Variants in ARHGAP23 observed in about 807,000 individuals in gnomAD.
ARHGAP23 encodes the protein rho GTPase-activating protein 23.
A neutral mutation model predicts 136.3 loss-of-function variants in ARHGAP23; 34 were observed. The observed-to-expected ratio is 0.25, with a 90% CI of 0.19 to 0.33. The LOEUF is 0.33. Ranked by LOEUF, ARHGAP23 falls within the 10% of genes least tolerant of loss-of-function variation. The pLI is 1.00. For missense variants in ARHGAP23, 1,808 were observed against 2,139.0 expected (o/e 0.85, Z 3.05); for synonymous variants, 832 against 920.5 (o/e 0.90, Z 1.74).
Position 38,466,156 on chromosome 17 carries a change from T to C in ARHGAP23, c.484-11T>C. The C allele has an allele frequency of 6.8e-7, 1 of 1,471,750 alleles. No individual in the cohort carries two copies. Among genetic ancestry groups the C allele is most frequent in the Non-Finnish European group, 9.1e-7 (1 of 1,103,554 alleles). The allele number at this position is 1,471,750 out of a possible 1,614,324, so 91.2% of individuals were successfully genotyped here. A position where few individuals can be genotyped will look rare whatever the true frequency, so the allele number is the denominator to read the frequency against. ...CTGGCCCTGCTTACCTGTCTCTGTGTCTCTGGCCAGGCCTACTCCCAGGAT... is the reference window on the plus strand; with the variant it reads ...CTGGCCCTGCTTACCTGTCTCTGTGCCTCTGGCCAGGCCTACTCCCAGGAT... On this transcript the variant is annotated splice_polypyrimidine_tract_variant and intron_variant, in intron 6 of 23. Coordinates refer to ENST00000622683, the MANE Select transcript of ARHGAP23 (RefSeq NM_001199417.2).
At chr17:38,489,433 A>G (rs1199366521) in intron 17 of ARHGAP23, among the ~76,000 whole-genome samples, 1 of 121,792 alleles carries the variant, frequency 8.2e-6, no homozygotes, top group African/African-American at 3.2e-5. Flanking sequence ...CCCCGATTGG[A>G]AGTGCTGCCT....
upstream of ARHGAP23, chr17:38,428,411 C>A: frequency 1.3e-6 from 1 of 785,760 alleles, no homozygotes; most frequent in Non-Finnish European, 1.7e-6. Context: ...CGGCCCCGCC[C>A]CCGGCCCCGC....
At chr17:38,501,382 A>C (rs935377622) in intron 23 of ARHGAP23, among the ~76,000 whole-genome samples, 78 of 152,118 alleles carry the variant, frequency 5.1e-4, no homozygotes, top group Admixed American at 1.2e-3. Flanking sequence ...GCTCACTGCA[A>C]GCTCCGCCTC....
intron 1 of ARHGAP23, among the ~76,000 whole-genome samples, chr17:38,438,603 C>T (rs757944406): frequency 7.9e-5 from 12 of 152,108 alleles, no homozygotes; most frequent in Non-Finnish European, 1.5e-4. Flanking sequence ...TGGAGCCACA[C>T]AAGGGTCTCG....
intron 1 of ARHGAP23, among the ~76,000 whole-genome samples, chr17:38,442,148 G>A (rs1406837905): frequency 1.3e-5 from 2 of 152,266 alleles, no homozygotes; most frequent in East Asian, 3.9e-4. Context: ...TTGTGGAGAT[G>A]GGGTCTTACT....
At chr17:38,440,682 C>A (rs1001876016) in intron 1 of ARHGAP23, among the ~76,000 whole-genome samples, 4 of 152,236 alleles carry the variant, frequency 2.6e-5, no homozygotes, top group Non-Finnish European at 4.4e-5. Context: ...GAGGAACCGG[C>A]TCTGAAGGTG....
rs371135498 is a variant in ARHGAP23 at position 38,463,252 on chromosome 17, A to G, written c.428+56A>G. 1.9e-6 allele frequency: 3 copies of G among 1,550,634 alleles called. No homozygotes were observed. In the African/African-American group the frequency reaches 4.1e-5, roughly 21 times the overall value. On this transcript the variant is annotated intron_variant, in intron 5 of 23. Coordinates refer to ENST00000622683, the MANE Select transcript of ARHGAP23 (RefSeq NM_001199417.2). ...ATCTCCCCTCCCCTTTGCCCTGGGG[A>G]TGCCCTGGAGACCAGGATCCCTTCC...
chr17:38,459,791 A>G (rs534379013), intron 2 of ARHGAP23, among the ~76,000 whole-genome samples: 6 of 152,284 alleles, frequency 3.9e-5, no homozygotes, highest in East Asian at 1.9e-4. Context: ...CAGCCGTCCA[A>G]ATGCATCTGT....
intron 23 of ARHGAP23, among the ~76,000 whole-genome samples, chr17:38,504,875 T>C (rs1195706678): frequency 6.6e-6 from 1 of 151,834 alleles, no homozygotes; most frequent in East Asian, 1.9e-4. Context: ...GTGGATGGTT[T>C]AGGCTGTCCC....
Position 38,458,201 on chromosome 17 carries a change from G to A in ARHGAP23, c.163G>A (p.Gly55Ser). Residue 55 changes from glycine (G) to serine (S), a missense_variant, in exon 2 of 24, where the codon GGC (glycine) becomes AGC (serine). Physicochemically the swap from Gly to Ser is moderately conservative, Grantham distance 56. This residue lies in a region of ARHGAP23 where 859 missense variants were observed against 936.4 expected (regional missense o/e 0.92). Coordinates refer to ENST00000622683, the MANE Select transcript of ARHGAP23 (RefSeq NM_001199417.2). ...LLYKSPQDGF[G>S]FTLRHFIVYP... The stretch of plus-strand genomic sequence containing the variant: ...GTACAAAAGTCCCCAGGACGGCTTT[G>A]GCTTCACTCTGCGCCACTTCATCGT... The A allele has an allele frequency of 6.5e-7, 1 of 1,536,078 alleles. No individual in the cohort carries two copies. Among genetic ancestry groups the A allele is most frequent in the South Asian group, 1.2e-5 (1 of 84,054 alleles).
intron 23 of ARHGAP23, among the ~76,000 whole-genome samples, chr17:38,507,393 C>G (rs1223237296): frequency 6.6e-6 from 1 of 152,232 alleles, no homozygotes; most frequent in East Asian, 1.9e-4. Flanking sequence ...AGACCTCCAT[C>G]ATAAGATTGC....
At position 38,469,137 on chromosome 17, in the gene ARHGAP23, T is replaced by G. The variant is rs1347450675; in HGVS notation, c.1649-7T>G. On this transcript the variant is annotated splice_polypyrimidine_tract_variant and splice_region_variant and intron_variant, in intron 7 of 23. Coordinates refer to ENST00000622683, the MANE Select transcript of ARHGAP23 (RefSeq NM_001199417.2). ...GCCTTCACACCTTTCTCCTTCCACA[T>G]GCATAGATGAGCCCACCAGCCCCAG... 2 of 1,546,516 alleles carry G rather than the reference T, an allele frequency of 1.3e-6. No homozygotes were observed.
chr17:38,468,824 C>G (rs1426561925), intron 7 of ARHGAP23, among the ~76,000 whole-genome samples: 1 of 152,162 alleles, frequency 6.6e-6, no homozygotes, highest in Non-Finnish European at 1.5e-5. Flanking sequence ...AATTCATTCT[C>G]TCTGAGTGCC....
intron 1 of ARHGAP23, among the ~76,000 whole-genome samples, chr17:38,447,536 G>A (rs1451578174): frequency 6.7e-6 from 1 of 149,850 alleles, no homozygotes; most frequent in Non-Finnish European, 1.5e-5. Flanking sequence ...AAACCCAGCA[G>A]CCATTGTCCT....
At chr17:38,494,704 G>A (rs1225945332) in intron 20 of ARHGAP23, among the ~76,000 whole-genome samples, 1 of 152,166 alleles carries the variant, frequency 6.6e-6, no homozygotes, top group Non-Finnish European at 1.5e-5. Context: ...GACCCACCCC[G>A]GCCCTGGGTG....
upstream of ARHGAP23, among the ~76,000 whole-genome samples, chr17:38,428,092 C>T (rs78325721): frequency 1.3e-5 from 2 of 152,152 alleles, no homozygotes; most frequent in African/African-American, 4.8e-5. Context: ...GCTTCCCTCT[C>T]CCTCCCTCCC....
chr17:38,510,368 G>A lies in ARHGAP23; in HGVS notation c.3872G>A (p.Gly1291Asp). The change falls in exon 24 of 24, where the codon GGC becomes GAC. Residue 1291 changes from glycine to aspartate, a missense_variant. Transcript: ENST00000622683. The surrounding 1 kb of genome is among the most constrained non-coding windows in gnomAD (Gnocchi z 4.6). ...ELSHVETDTE[G>D]AAGAGPGGRL... ...AGCCACGTGGAGACGGACACTGAGG[G>A]CGCGGCGGGCGCGGGGCCTGGGGGG... 5 of 1,244,836 alleles carry A rather than the reference G, an allele frequency of 4.0e-6. No individual in the cohort carries two copies. Among genetic ancestry groups the A allele is most frequent in the Non-Finnish European group, 5.0e-6 (5 of 995,768 alleles). 77.1% of individuals were successfully genotyped at this position (1,244,836 alleles called of 1,614,324 possible).
At chr17:38,486,918 CAG>C (rs1249387401) in intron 17 of ARHGAP23, among the ~76,000 whole-genome samples, 1 of 152,206 alleles carries the variant, frequency 6.6e-6, no homozygotes, top group African/African-American at 2.4e-5. Context: ...ATATGCATGG[CAG>C]AGATACACAC....
chr17:38,447,659 A>T (rs138342195), intron 1 of ARHGAP23, among the ~76,000 whole-genome samples: 126 of 152,250 alleles, frequency 8.3e-4, no homozygotes, highest in Non-Finnish European at 7.9e-4. Flanking sequence ...GATGTGGGGC[A>T]AAAATCCCTT....
Sources: allele counts gnomAD v4.1 joint callset (sites outside exome capture counted in the v4.1 genomes callset), GRCh38; gene constraint gnomAD v4.1.1; regional missense constraint gnomAD v4.1.1; non-coding constraint Gnocchi (gnomAD v3.1); transcripts MANE v1.5; gene names NCBI Gene and HGNC (gene_info 2026-07-23, HGNC 2026-07-21).